Variants in KIAA1217 observed in about 807,000 individuals in gnomAD.
KIAA1217 encodes sickle tail protein homolog.
In KIAA1217, 88 loss-of-function variants were observed where a neutral mutation model predicts 163.9. The observed-to-expected ratio is 0.54, with a 90% confidence interval of 0.45 to 0.64. The LOEUF is 0.64. Among genes scored for constraint, KIAA1217 ranks in the 30% least tolerant of loss-of-function variants. The probability of loss-of-function intolerance (pLI) is 0.00; values close to 1 mark genes in which losing one functional copy is unlikely to be tolerated. For missense variants in KIAA1217, 2,372 were observed against 2,475.0 expected (o/e 0.96, Z 0.88); for synonymous variants, 903 against 923.1 (o/e 0.98, Z 0.39).
intron 2 of KIAA1217, among the ~76,000 whole-genome samples, chr10:24,309,134 AAAAAAG>A (rs2042337168): frequency 6.9e-6 from 1 of 145,552 alleles, no homozygotes; most frequent in African/African-American, 2.6e-5. Context: ...AAAAAAAAAA[AAAAAAG>A]GAAGGAAGGA....
At chr10:24,372,130 C>T (rs907989553) in intron 2 of KIAA1217, among the ~76,000 whole-genome samples, 2 of 152,074 alleles carry the variant, frequency 1.3e-5, no homozygotes, top group Non-Finnish European at 2.9e-5. Flanking sequence ...GGGGTTTGGT[C>T]GAGGTTCTGC....
At chr10:24,303,727 G>A (rs2041660178) in intron 2 of KIAA1217, among the ~76,000 whole-genome samples, 1 of 152,180 alleles carries the variant, frequency 6.6e-6, no homozygotes, top group South Asian at 2.1e-4. Context: ...TTGGCTGTGA[G>A]TCTGCCTTCC....
intron 5 of KIAA1217, among the ~76,000 whole-genome samples, chr10:24,471,506 G>A (rs2063508363): frequency 6.6e-6 from 1 of 151,394 alleles, no homozygotes; most frequent in South Asian, 2.1e-4. Flanking sequence ...GCTAAACACA[G>A]TAACATAGTT....
chr10:24,150,095 G>A (rs2064535689), intron 2 of KIAA1217, among the ~76,000 whole-genome samples: 1 of 152,100 alleles, frequency 6.6e-6, no homozygotes, highest in Non-Finnish European at 1.5e-5. Context: ...TCAGCTCACT[G>A]CAACCTCTGT....
chr10:24,126,710 C>A (rs985245503), intron 2 of KIAA1217, among the ~76,000 whole-genome samples: 2 of 151,968 alleles, frequency 1.3e-5, no homozygotes, highest in Non-Finnish European at 2.9e-5. Context: ...CCCACATAGC[C>A]CTGGTTATAA....
intron 2 of KIAA1217, among the ~76,000 whole-genome samples, chr10:24,285,508 G>A (rs1590605914): frequency 6.6e-6 from 1 of 152,278 alleles, no homozygotes; most frequent in East Asian, 1.9e-4. Context: ...CTTTGTTGAA[G>A]ATCAGTTGGT....
intron 2 of KIAA1217, among the ~76,000 whole-genome samples, chr10:24,335,584 T>A (rs989045397): frequency 2.9e-5 from 4 of 138,398 alleles, no homozygotes; most frequent in African/African-American, 1.1e-4. Flanking sequence ...TTTTATCTTA[T>A]TTTATTTATT....
At position 24,547,472 on chromosome 10, in the gene KIAA1217, G is replaced by C. The variant is rs1268085524; in HGVS notation, c.*1148G>C. ...CAGAGACTTTGCAAAACTAAATAAA[G>C]GGCTGCATGCTTATTATTTTTTGTA... On this transcript the variant is annotated 3_prime_UTR_variant, in exon 21 of 21. Transcript: ENST00000376454. 1 of 152,490 alleles carries C rather than the reference G, an allele frequency of 6.6e-6. No homozygotes were observed. Among genetic ancestry groups the C allele is most frequent in the Non-Finnish European group, 1.5e-5 (1 of 68,026 alleles). 9.4% of individuals were successfully genotyped at this position (152,490 alleles called of 1,614,324 possible).
chr10:24,004,481 A>G (rs886638288), intron 1 of KIAA1217, among the ~76,000 whole-genome samples: 1 of 152,242 alleles, frequency 6.6e-6, no homozygotes, highest in Admixed American at 6.5e-5. Flanking sequence ...TAATAAAACT[A>G]TATTTGGAAC....
intron 3 of KIAA1217, among the ~76,000 whole-genome samples, chr10:24,431,930 G>T (rs886822658): frequency 6.6e-6 from 1 of 152,110 alleles, no homozygotes. Context: ...CAATAAATAT[G>T]TATTAGAACC....
intron 1 of KIAA1217, among the ~76,000 whole-genome samples, chr10:23,936,667 G>A (rs1489406414): frequency 6.6e-6 from 1 of 152,116 alleles, no homozygotes; most frequent in South Asian, 2.1e-4. Context: ...AAGAAGCAAG[G>A]AAGGATTCTT....
Position 24,357,336 on chromosome 10 carries a change from A to C in KIAA1217, c.355-23533A>C, listed in dbSNP as rs529771251. 2.6e-5 allele frequency among the ~76,000 whole-genome samples: 4 copies of C among 152,330 alleles called. No homozygotes were observed. In the East Asian group the frequency reaches 7.7e-4, roughly 29 times the overall value. On this transcript the variant is annotated intron_variant, in intron 2 of 20. Transcript: ENST00000376454. ...TTCCTATGGAAGAAAAGGGAGAATC[A>C]GAAGTGCATTCTGGACTAGCTTCAA... is the stretch of plus-strand genomic sequence containing the variant.
intron 2 of KIAA1217, among the ~76,000 whole-genome samples, chr10:24,141,078 T>C (rs1428210154): frequency 6.6e-6 from 1 of 152,092 alleles, no homozygotes; most frequent in Non-Finnish European, 1.5e-5. Context: ...ACCATTGAAA[T>C]GGCAATGAGT....
At chr10:23,853,408 C>G (rs564589734) in intron 1 of KIAA1217, among the ~76,000 whole-genome samples, 1 of 152,042 alleles carries the variant, frequency 6.6e-6, no homozygotes, top group Admixed American at 6.6e-5. Flanking sequence ...CTGCTGGATT[C>G]GGTTTGTCAG....
intron 2 of KIAA1217, among the ~76,000 whole-genome samples, chr10:24,269,210 TAAAAAAAAAAAA>T (rs59746609): frequency 2.3e-5 from 2 of 87,080 alleles, no homozygotes; most frequent in East Asian, 6.2e-4. Flanking sequence ...AAAGTATAAT[TAAAAAAAAAAAA>T]AAAAAAAAAA....
At chr10:24,340,498 T>C (rs1266064032) in intron 2 of KIAA1217, among the ~76,000 whole-genome samples, 1 of 152,204 alleles carries the variant, frequency 6.6e-6, no homozygotes, top group Non-Finnish European at 1.5e-5. Context: ...AACCTTTTTT[T>C]CTTTAGAAAT....
intron 2 of KIAA1217, among the ~76,000 whole-genome samples, chr10:24,142,007 C>A (rs938369851): frequency 3.3e-5 from 5 of 151,962 alleles, no homozygotes; most frequent in Non-Finnish European, 7.4e-5. Flanking sequence ...GGTAAAGACA[C>A]CAATATATCC....
intron 1 of KIAA1217, among the ~76,000 whole-genome samples, chr10:23,859,161 T>C (rs548522957): frequency 6.6e-6 from 1 of 152,224 alleles, no homozygotes; most frequent in Non-Finnish European, 1.5e-5. Flanking sequence ...CATATGTATA[T>C]GTATAACATG....
chr10:24,545,249 AT>A, intron 20 of KIAA1217, 146 bp downstream of exon 20: 1 of 1,441,120 alleles, frequency 6.9e-7, no homozygotes, highest in Non-Finnish European at 9.1e-7. Flanking sequence ...GAAAGTCTAA[AT>A]AAACCTTTGT....
Sources: allele counts gnomAD v4.1 joint callset (sites outside exome capture counted in the v4.1 genomes callset), GRCh38; gene constraint gnomAD v4.1.1; transcripts MANE v1.5; gene names NCBI Gene and HGNC (gene_info 2026-07-23, HGNC 2026-07-21).